The following LIMD1 variants were observed in gnomAD, a reference collection of about 807,000 sequenced individuals.
LIMD1 encodes the protein LIM domain-containing protein 1.
Under a neutral mutation model 58.4 loss-of-function variants are expected in LIMD1, and 23 were observed. The ratio of observed to expected loss-of-function variants is 0.39; its 90% confidence interval spans 0.28 to 0.56. The LOEUF (loss-of-function observed/expected upper bound fraction) is 0.56. Among genes scored for constraint, LIMD1 ranks in the 20% least tolerant of loss-of-function variants. The probability of loss-of-function intolerance (pLI) is 0.57; values close to 1 mark genes in which losing one functional copy is unlikely to be tolerated. For missense variants in LIMD1, 838 were observed against 855.5 expected (o/e 0.98, Z 0.25); for synonymous variants, 334 against 345.5 (o/e 0.97, Z 0.37).
intron 1 of LIMD1, among the ~76,000 whole-genome samples, chr3:45,621,913 G>A (rs1701631654): frequency 6.6e-6 from 1 of 151,870 alleles, no homozygotes; most frequent in African/African-American, 2.4e-5. Context: ...AAATACAAAA[G>A]TTAGCCAGGC....
Position 45,596,276 on chromosome 3 carries a change from C to G in LIMD1, c.1397C>G (p.Ala466Gly). Residue 466 changes from alanine to glycine, a missense_variant, in exon 1 of 8, where the codon GCT becomes GGT. By Grantham distance (60) the Ala-to-Gly change is moderately conservative (BLOSUM62 0). Around this residue, in one of 3 missense-constraint regions of LIMD1, gnomAD observed 659 missense variants for 639.8 expected, o/e 1.03. Transcript: ENST00000273317. Reference protein sequence around the residue: ...LEREMDAHPKADYFGACVKCS... With the variant: ...LEREMDAHPKGDYFGACVKCS... The stretch of plus-strand genomic sequence containing the variant: ...CGAGAGATGGATGCTCACCCGAAGG[C>G]TGATTACTTTGGTGAGTGAGAGGCT... 6.2e-7 allele frequency: 1 copy of G among 1,601,134 alleles called. No homozygotes were observed. The highest frequency in any genetic ancestry group is 8.5e-7 in the Non-Finnish European group (1 of 1,174,142).
intron 1 of LIMD1, among the ~76,000 whole-genome samples, chr3:45,609,394 A>C: frequency 6.6e-6 from 1 of 152,026 alleles, no homozygotes; most frequent in South Asian, 2.1e-4. Context: ...TTTTCTTTTT[A>C]ATTCATAGGT....
chr3:45,676,254 A>T (rs1321566602), intron 7 of LIMD1, among the ~76,000 whole-genome samples: 1 of 152,174 alleles, frequency 6.6e-6, no homozygotes, highest in East Asian at 1.9e-4. Context: ...AAGAAAAAAA[A>T]ATCCAAATGT....
At chr3:45,662,300 T>TGTGTGC (rs1553646361) in intron 2 of LIMD1, among the ~76,000 whole-genome samples, 62 of 151,636 alleles carry the variant, frequency 4.1e-4, no homozygotes, top group Non-Finnish European at 3.2e-4. Flanking sequence ...TGTGTGTGTG[T>TGTGTGC]GCGCGTGTAA....
At position 45,646,289 on chromosome 3, in the gene LIMD1, G is replaced by A. The variant is rs889564033; in HGVS notation, c.1510+10038G>A. On this transcript the variant is annotated intron_variant, in intron 2 of 7. Coordinates refer to ENST00000273317, the MANE Select transcript of LIMD1 (RefSeq NM_014240.3). ...CTTCACCCCTCACTGTGCGTCAGTC[G>A]CCATCACAAGGGGCCTGTTGCAGTG... 3.9e-5 allele frequency among the ~76,000 whole-genome samples: 6 copies of A among 152,194 alleles called. No individual in the cohort carries two copies. The East Asian group carries it at 5.8e-4, about 15-fold the overall frequency.
chr3:45,602,505 T>C (rs2125648126), intron 1 of LIMD1, among the ~76,000 whole-genome samples: 1 of 152,290 alleles, frequency 6.6e-6, no homozygotes, highest in African/African-American at 2.4e-5. Context: ...TTTTTCTGTC[T>C]TTGGTGGATG....
In LIMD1 at chr3:45,595,093, A is replaced by G. The variant is rs1553642083; in HGVS notation, c.214A>G (p.Arg72Gly). The change falls in exon 1 of 8, where the codon AGG becomes GGG. Residue 72 changes from arginine (R) to glycine (G), a missense_variant. Around this residue, in one of 3 missense-constraint regions of LIMD1, gnomAD observed 659 missense variants for 639.8 expected, o/e 1.03. Coordinates refer to ENST00000273317, the MANE Select transcript of LIMD1 (RefSeq NM_014240.3). The part of the protein sequence containing the change: ...QQLLQEETLP[R>G]GSRGPVNGGG... ...GCTCCTGCAGGAGGAGACTCTGCCCAGGGGGAGTAGAGGCCCTGTCAATGG... is the reference window on the plus strand; with the variant it reads ...GCTCCTGCAGGAGGAGACTCTGCCCGGGGGGAGTAGAGGCCCTGTCAATGG... 1.2e-6 allele frequency: 2 copies of G among 1,612,744 alleles called. No individual in the cohort carries two copies. Among genetic ancestry groups the G allele is most frequent in the East Asian group, 4.5e-5 (2 of 44,854 alleles).
chr3:45,639,654 G>T (rs1020579978), intron 2 of LIMD1, among the ~76,000 whole-genome samples: 3 of 151,930 alleles, frequency 2.0e-5, no homozygotes, highest in African/African-American at 7.2e-5. Context: ...CGTCACCTTG[G>T]AGGTTAGGAT....
chr3:45,639,609 G>A (rs557625283), intron 2 of LIMD1, among the ~76,000 whole-genome samples: 1 of 152,284 alleles, frequency 6.6e-6, no homozygotes, highest in East Asian at 1.9e-4. Context: ...TCCACCTCAT[G>A]AGAATCACCT....
At position 45,679,922 on chromosome 3, in the gene LIMD1, C is replaced by T. The variant is rs1697718277; in HGVS notation, c.*2863C>T. ...GGCTGCGTATGACAGCAGGATGGCA[C>T]TTCCCATTTCTCTGTGGTTAGTGCT... On this transcript the variant is annotated 3_prime_UTR_variant, in exon 8 of 8. Transcript: ENST00000273317. 6.6e-6 allele frequency: 1 copy of T among 152,166 alleles called. No homozygotes were observed. Among genetic ancestry groups the T allele is most frequent in the Non-Finnish European group, 1.5e-5 (1 of 68,040 alleles). 9.4% of individuals were successfully genotyped at this position (152,166 alleles called of 1,614,324 possible). A position where few individuals can be genotyped will look rare whatever the true frequency, so the allele number is the denominator to read the frequency against.
At chr3:45,676,814 A>G (rs1697678394) in intron 7 of LIMD1, 108 bp from the exon 8 acceptor site, 6 of 1,080,590 alleles carry the variant, frequency 5.6e-6, no homozygotes, top group South Asian at 2.7e-5. Context: ...TTTCCTGCCT[A>G]TACAGAAACA....
chr3:45,636,352 A>G (rs1269602003), intron 2 of LIMD1, 101 bp downstream of exon 2: 4 of 871,536 alleles, frequency 4.6e-6, no homozygotes, highest in Non-Finnish European at 5.4e-6. Context: ...CGGTTGGTCC[A>G]TGGCCCTCCT....
chr3:45,596,254 G>C lies in LIMD1; in HGVS notation c.1375G>C (p.Glu459Gln). 1 of 1,610,260 alleles carries C rather than the reference G, an allele frequency of 6.2e-7. No homozygotes were observed. The highest frequency in any genetic ancestry group is 1.1e-5 in the South Asian group (1 of 90,256). Reference sequence around the variant, plus strand: ...AGCCCTCACCCAACGTCTGGAGCGAGAGATGGATGCTCACCCGAAGGCTGA... The same window carrying C: ...AGCCCTCACCCAACGTCTGGAGCGACAGATGGATGCTCACCCGAAGGCTGA... The part of the protein sequence containing the change: ...LEALTQRLER[E>Q]MDAHPKADYF... Residue 459 changes from glutamate (E) to glutamine (Q), a missense_variant, in exon 1 of 8, where the codon GAG becomes CAG. Glu to Gln is a conservative substitution (Grantham distance 29). This residue lies in a region of LIMD1 where 659 missense variants were observed against 639.8 expected (regional missense o/e 1.03). Coordinates refer to ENST00000273317, the MANE Select transcript of LIMD1 (RefSeq NM_014240.3).
At chr3:45,630,654 G>A (rs542202654) in intron 1 of LIMD1, among the ~76,000 whole-genome samples, 29 of 151,958 alleles carry the variant, frequency 1.9e-4, no homozygotes, top group African/African-American at 6.8e-4. Flanking sequence ...CTGGTCTGGG[G>A]TCTGAATCCC....
intron 2 of LIMD1, among the ~76,000 whole-genome samples, chr3:45,649,738 ATTTATATATAATTATATAT>A (rs936572299): frequency 2.1e-5 from 3 of 145,286 alleles, no homozygotes; most frequent in African/African-American, 7.5e-5. Flanking sequence ...ATATAGATAT[ATTTATATATAATTATATAT>A]TTTATATATA....
At position 45,678,792 on chromosome 3, in the gene LIMD1, C is replaced by A. The variant is rs1365403693; in HGVS notation, c.*1733C>A. On this transcript the variant is annotated 3_prime_UTR_variant, in exon 8 of 8. Coordinates refer to ENST00000273317, the MANE Select transcript of LIMD1 (RefSeq NM_014240.3). ...GCCATGTTTTGACTCATTTGGTAAC[C>A]ATTGCCTGTAAGCAGCACAGAATTG... is the stretch of plus-strand genomic sequence containing the variant. 1 of 152,230 alleles carries A rather than the reference C, an allele frequency of 6.6e-6. No individual in the cohort carries two copies. Among genetic ancestry groups the A allele is most frequent in the Non-Finnish European group, 1.5e-5 (1 of 68,064 alleles). The allele number at this position is 152,230 out of a possible 1,614,324, so 9.4% of individuals were successfully genotyped here.
intron 2 of LIMD1, among the ~76,000 whole-genome samples, chr3:45,652,215 C>T (rs1239544672): frequency 6.6e-6 from 1 of 152,258 alleles, no homozygotes; most frequent in African/African-American, 2.4e-5. Context: ...GTGAGAGCCA[C>T]CATGCCCGGC....
intron 2 of LIMD1, among the ~76,000 whole-genome samples, chr3:45,654,812 C>CAAAAAAAAAA (rs1227980901): frequency 7.1e-5 from 4 of 56,508 alleles, no homozygotes; most frequent in African/African-American, 1.2e-4. Context: ...GACCCTGTCT[C>CAAAAAAAAAA]AAAAAAAAAA....
At chr3:45,663,936 T>A (rs1697477820) in intron 2 of LIMD1, among the ~76,000 whole-genome samples, 1 of 146,788 alleles carries the variant, frequency 6.8e-6, no homozygotes, top group African/African-American at 2.6e-5. Context: ...AGTGGCATGA[T>A]CTCGGCTCAC....
Sources: allele counts gnomAD v4.1 joint callset (sites outside exome capture counted in the v4.1 genomes callset), GRCh38; gene constraint gnomAD v4.1.1; regional missense constraint gnomAD v4.1.1; transcripts MANE v1.5; gene names NCBI Gene and HGNC (gene_info 2026-07-23, HGNC 2026-07-21).